The following ADAM23 variants were observed in gnomAD, a reference collection of about 807,000 sequenced individuals.
ADAM23 encodes the protein disintegrin and metalloproteinase domain-containing protein 23.
Under a neutral mutation model 120.1 loss-of-function variants are expected in ADAM23, and 33 were observed. The observed-to-expected ratio is 0.27, with a 90% CI of 0.21 to 0.37. The LOEUF is 0.37. Among genes scored for constraint, ADAM23 ranks in the 10% least tolerant of loss-of-function variants. ADAM23 has a pLI of 1.00. For synonymous variants in ADAM23, 367 were observed against 375.2 expected, an observed-to-expected ratio of 0.98 and a Z score of 0.25; for missense variants, 862 against 1,058.2, an observed-to-expected ratio of 0.81 and a Z score of 2.57.
chr2:206,581,072 T>G (rs1285019629), intron 18 of ADAM23, among the ~76,000 whole-genome samples: 1 of 152,210 alleles, frequency 6.6e-6, no homozygotes, highest in East Asian at 1.9e-4. Flanking sequence ...CCTGTTTCAT[T>G]TCTTAGTGAG....
chr2:206,516,520 C>T (rs1462089357), intron 3 of ADAM23, among the ~76,000 whole-genome samples: 4 of 152,066 alleles, frequency 2.6e-5, no homozygotes, highest in African/African-American at 7.2e-5. Flanking sequence ...GGCAGAGACC[C>T]TCTTCCTGGC....
intron 2 of ADAM23, among the ~76,000 whole-genome samples, chr2:206,452,929 GTCTC>G (rs749255697): frequency 2.6e-5 from 4 of 152,064 alleles, no homozygotes; most frequent in Admixed American, 1.3e-4. Flanking sequence ...ATCGCCTCTG[GTCTC>G]TCTCTCTGTC....
chr2:206,589,540 G>A (rs764691412), intron 21 of ADAM23, 26 bp downstream of exon 21: 2 of 1,579,770 alleles, frequency 1.3e-6, no homozygotes, highest in East Asian at 4.5e-5. Flanking sequence ...TAAGGGCATA[G>A]TCACTGGACT....
At chr2:206,613,088 T>C (rs1251766546) in intron 25 of ADAM23, among the ~76,000 whole-genome samples, 1 of 152,134 alleles carries the variant, frequency 6.6e-6, no homozygotes, top group East Asian at 1.9e-4. Context: ...AGACAGAGTT[T>C]TGCTTTTATT....
intron 13 of ADAM23, among the ~76,000 whole-genome samples, chr2:206,563,032 T>C (rs1449537546): frequency 3.3e-5 from 5 of 152,202 alleles, no homozygotes; most frequent in African/African-American, 1.2e-4. Flanking sequence ...TAATTTCTTT[T>C]AAAATCAGAA....
At chr2:206,573,387 CTT>C (rs1698043839) in intron 18 of ADAM23, among the ~76,000 whole-genome samples, 192 bp downstream of exon 18, 2 of 152,142 alleles carry the variant, frequency 1.3e-5, no homozygotes, top group African/African-American at 4.8e-5. Flanking sequence ...TTCATATACA[CTT>C]TATACACATC....
chr2:206,586,759 A>G (rs1012175740), intron 18 of ADAM23, among the ~76,000 whole-genome samples: 3 of 152,256 alleles, frequency 2.0e-5, no homozygotes, highest in Middle Eastern at 3.2e-3. Flanking sequence ...ATAGACCTAT[A>G]AAAAGAAATA....
At chr2:206,476,538 C>T (rs530271563) in intron 2 of ADAM23, among the ~76,000 whole-genome samples, 6 of 152,140 alleles carry the variant, frequency 3.9e-5, no homozygotes, top group East Asian at 1.9e-4. Flanking sequence ...ACTGCACGTG[C>T]GATGGATCTA....
intron 13 of ADAM23, among the ~76,000 whole-genome samples, chr2:206,564,063 T>G (rs1697827072): frequency 6.6e-6 from 1 of 152,096 alleles, no homozygotes; most frequent in African/African-American, 2.4e-5. Context: ...CTTGTTTGTT[T>G]AGGTAGCTAT....
At chr2:206,578,783 A>C (rs953666092) in intron 18 of ADAM23, among the ~76,000 whole-genome samples, 2 of 152,170 alleles carry the variant, frequency 1.3e-5, no homozygotes, top group Admixed American at 6.5e-5. Context: ...TGGATCAAAT[A>C]GATCTATTTT....
intron 18 of ADAM23, among the ~76,000 whole-genome samples, chr2:206,575,361 A>G (rs1037999590): frequency 3.0e-4 from 46 of 152,190 alleles, no homozygotes; most frequent in Non-Finnish European, 4.4e-4. Context: ...CACAGTTTTT[A>G]TAGTTAATTC....
chr2:206,575,531 C>A (rs1698094617), intron 18 of ADAM23, among the ~76,000 whole-genome samples: 1 of 152,136 alleles, frequency 6.6e-6, no homozygotes. Context: ...CTCCTCAGGA[C>A]AAGCTCCTAA....
chr2:206,573,050 G>A (rs370936354), intron 17 of ADAM23, 65 bp from the exon 18 acceptor site: 2 of 1,538,566 alleles, frequency 1.3e-6, no homozygotes, highest in Non-Finnish European at 9.0e-7. Context: ...GTGAGTCTAA[G>A]AATGTTATAA....
At chr2:206,604,261 A>G (rs1252690709) in intron 24 of ADAM23, among the ~76,000 whole-genome samples, 2 of 152,076 alleles carry the variant, frequency 1.3e-5, no homozygotes, top group African/African-American at 4.8e-5. Flanking sequence ...GCGAGACTCC[A>G]TCTCAAAAAA....
chr2:206,608,128 G>A (rs1698763673), intron 24 of ADAM23: 1 of 303,564 alleles, frequency 3.3e-6, no homozygotes, highest in Non-Finnish European at 6.4e-6. Context: ...GCAAACTTCT[G>A]TAAAAGGCCA....
chr2:206,571,204 G>A (rs377388086), intron 16 of ADAM23, among the ~76,000 whole-genome samples: 6 of 152,172 alleles, frequency 3.9e-5, no homozygotes, highest in African/African-American at 1.4e-4. Context: ...GGCCGGGCGC[G>A]GTGGCTGACG....
chr2:206,460,922 G>T (rs1438054514), intron 2 of ADAM23, among the ~76,000 whole-genome samples: 2 of 152,056 alleles, frequency 1.3e-5, no homozygotes, highest in African/African-American at 4.8e-5. Context: ...AATGGTGTAG[G>T]TTAGGAACCA....
At chr2:206,500,635 C>T (rs992526324) in intron 3 of ADAM23, among the ~76,000 whole-genome samples, 4 of 152,170 alleles carry the variant, frequency 2.6e-5, no homozygotes, top group African/African-American at 9.7e-5. Context: ...GAGGGTTAGT[C>T]TTGTCCTTCC....
intron 3 of ADAM23, among the ~76,000 whole-genome samples, chr2:206,502,943 G>C (rs1254490258): frequency 6.6e-6 from 1 of 152,130 alleles, no homozygotes. Context: ...GAGCTATGTA[G>C]ATTCCCCGTG....
Sources: gnomAD v4.1 joint callset for allele counts (sites outside exome capture counted in the v4.1 genomes callset) on GRCh38, gnomAD v4.1.1 for gene constraint, MANE v1.5 for transcripts, NCBI Gene and HGNC (gene_info 2026-07-23, HGNC 2026-07-21) for gene names.